NRDC: variants seen among roughly 807,000 people sequenced by gnomAD.
NRDC encodes the protein nardilysin.
In NRDC, 54 loss-of-function variants were observed where a neutral mutation model predicts 147.1. The ratio of observed to expected loss-of-function variants is 0.37; its 90% CI spans 0.29 to 0.46. NRDC has a LOEUF of 0.46. NRDC is among the 20% of genes least tolerant of loss of function. The pLI, the probability that NRDC is intolerant of heterozygous loss-of-function variation, is 1.00. For missense variants in NRDC, 1,082 were observed against 1,370.6 expected (o/e 0.79, Z 3.33); for synonymous variants, 440 against 482.1 (o/e 0.91, Z 1.14).
chr1:51,801,041 C>T (rs1679171401), intron 20 of NRDC: 1 of 162,058 alleles, frequency 6.2e-6, no homozygotes, highest in South Asian at 1.9e-4. Context: ...ACAAGGTCTT[C>T]TTATGTTGCC....
chr1:51,874,112 TTG>T (rs1401632904), intron 1 of NRDC, among the ~76,000 whole-genome samples: 1 of 144,846 alleles, frequency 6.9e-6, no homozygotes, highest in African/African-American at 2.6e-5. Context: ...GGGCGATGAA[TTG>T]AAATCCTGTC....
chr1:51,866,911 A>G (rs983999825), intron 1 of NRDC, among the ~76,000 whole-genome samples: 18 of 152,304 alleles, frequency 1.2e-4, no homozygotes, highest in Middle Eastern at 3.4e-3. Flanking sequence ...GGCAATATAA[A>G]GAGGGCTTCA....
At position 51,878,650 on chromosome 1, in the gene NRDC, C is replaced by A. The variant is rs774422637; in HGVS notation, c.-35G>T. On this transcript the variant is annotated 5_prime_UTR_variant, in exon 1 of 31. Transcript: ENST00000352171. ...AGCTGGAGCGATGGACATCCCGCTT[C>A]CCAGGACCCACCTCCTCCGCGTTCT... The A allele has an allele frequency of 1.9e-6, 3 of 1,557,468 alleles. No individual in the cohort carries two copies. The highest frequency in any genetic ancestry group is 4.6e-5 in the East Asian group (2 of 43,176).
At chr1:51,851,243 C>T (rs1179489962) in intron 1 of NRDC, among the ~76,000 whole-genome samples, 1 of 152,066 alleles carries the variant, frequency 6.6e-6, no homozygotes, top group Non-Finnish European at 1.5e-5. Context: ...AGCAGGAAAT[C>T]CAGCCTTGCT....
intron 5 of NRDC, among the ~76,000 whole-genome samples, chr1:51,826,887 G>A (rs1179538400): frequency 6.6e-6 from 1 of 152,100 alleles, no homozygotes; most frequent in African/African-American, 2.4e-5. Flanking sequence ...TCTAGAAACT[G>A]TATAAAGAAA....
At chr1:51,805,422 A>C (rs1679417932) in intron 19 of NRDC, 88 bp downstream of exon 19, 2 of 1,033,404 alleles carry the variant, frequency 1.9e-6, no homozygotes, top group Non-Finnish European at 2.8e-6. Flanking sequence ...ATATGGATAG[A>C]GAAAATGACA....
At chr1:51,792,531 TCC>T in intron 24 of NRDC, 107 bp from the exon 25 acceptor site, 1 of 934,042 alleles carries the variant, frequency 1.1e-6, no homozygotes, top group Non-Finnish European at 1.7e-6. Context: ...CCAATCGCTC[TCC>T]CCCAAGAGAG....
chr1:51,794,900 A>T, intron 22 of NRDC, 46 bp from the exon 23 acceptor site: 1 of 1,609,600 alleles, frequency 6.2e-7, no homozygotes, highest in Non-Finnish European at 8.5e-7. Context: ...CTAGACATTC[A>T]TTTCACCCAG....
Position 51,840,389 on chromosome 1 carries a change from T to A in NRDC, c.467A>T (p.Asp156Val), listed in dbSNP as rs752487262. Residue 156 changes from aspartate to valine, a missense_variant, in exon 2 of 31, where the codon GAT (aspartate) becomes GTT (valine). Asp to Val is a radical substitution (Grantham distance 152). This residue lies in a region of NRDC where 260 missense variants were observed against 253.2 expected (regional missense o/e 1.03). Transcript: ENST00000352171. ...TATTTCAGCTCCAGAATCTTCATCATCATCTTCTTCTTCTTCCTCCACCTC... is the reference window on the plus strand; with the variant it reads ...TATTTCAGCTCCAGAATCTTCATCAACATCTTCTTCTTCTTCCTCCACCTC... Reference protein sequence around the residue: ...EEEVEEEEEDDDEDSGAEIED... With the variant: ...EEEVEEEEEDVDEDSGAEIED... The A allele has an allele frequency of 1.1e-5, 16 of 1,519,498 alleles. No individual in the cohort carries two copies. The South Asian group carries it at 1.6e-4, about 15-fold the overall frequency. 94.1% of individuals were successfully genotyped at this position (1,519,498 alleles called of 1,614,324 possible). A position where few individuals can be genotyped will look rare whatever the true frequency, so the allele number is the denominator to read the frequency against.
In NRDC at chr1:51,872,770, A is replaced by G. The variant is rs76151162; in HGVS notation, c.341+5505T>C. ...GTAAGAGACAAAAGATATGTTTATTAAAGTTATACTAGTATTCATAAGATT... is the reference window on the plus strand; with the variant it reads ...GTAAGAGACAAAAGATATGTTTATTGAAGTTATACTAGTATTCATAAGATT... On this transcript the variant is annotated intron_variant, in intron 1 of 30. Transcript: ENST00000352171. 6.9e-3 allele frequency among the ~76,000 whole-genome samples: 1,050 copies of G among 152,350 alleles called. 7 individuals are homozygous for G. Among genetic ancestry groups the G allele is most frequent in the Non-Finnish European group, 9.5e-3 (646 of 68,028 alleles).
chr1:51,812,797 A>G (rs1212025588), intron 14 of NRDC, among the ~76,000 whole-genome samples: 1 of 152,100 alleles, frequency 6.6e-6, no homozygotes, highest in Admixed American at 6.6e-5. Flanking sequence ...AAATCAATGT[A>G]GAAATCAAAA....
rs1014222823 is a variant in NRDC at position 51,807,891 on chromosome 1, G to A, written c.1991-978C>T. Among the ~76,000 whole-genome samples the A allele has an allele frequency of 1.3e-5, 2 of 149,128 alleles. 1 individual carries two copies. ...TGCGATCTCAACTCACTGCAACCTC[G>A]GCCTCCTGGGTTCAAGTGATTCTCC... On this transcript the variant is annotated intron_variant, in intron 17 of 30. Transcript: ENST00000352171.
chr1:51,823,837 AAG>A, intron 6 of NRDC, 51 bp from the exon 7 acceptor site: 1 of 1,390,458 alleles, frequency 7.2e-7, no homozygotes, highest in Non-Finnish European at 9.9e-7. Flanking sequence ...ACTTTGTTAA[AAG>A]TCTTCTACAT....
chr1:51,831,485 G>A (rs1680705691), intron 4 of NRDC, among the ~76,000 whole-genome samples: 1 of 152,040 alleles, frequency 6.6e-6, no homozygotes, highest in African/African-American at 2.4e-5. Flanking sequence ...AAAGTTGTAT[G>A]GTTAAAGTCT....
At chr1:51,872,834 T>G (rs1214108969) in intron 1 of NRDC, among the ~76,000 whole-genome samples, 1 of 152,208 alleles carries the variant, frequency 6.6e-6, no homozygotes, top group Admixed American at 6.5e-5. Context: ...CTTTGTTAAA[T>G]GAGTTTGAAT....
intron 1 of NRDC, among the ~76,000 whole-genome samples, chr1:51,851,612 G>GA (rs1253072741): frequency 6.6e-6 from 1 of 151,030 alleles, no homozygotes; most frequent in Non-Finnish European, 1.5e-5. Context: ...TAAGACTCCA[G>GA]AAAAAAGCCT....
chr1:51,791,054 C>T (rs1678616972), intron 27 of NRDC, 64 bp from the exon 28 acceptor site: 8 of 1,146,700 alleles, frequency 7.0e-6, no homozygotes, highest in East Asian at 4.8e-5. Context: ...ATCAGAAACC[C>T]GATCTCAGGC....
intron 18 of NRDC, 151 bp downstream of exon 18, chr1:51,806,643 G>C: frequency 3.0e-6 from 2 of 662,186 alleles, no homozygotes; most frequent in Non-Finnish European, 5.2e-6. Context: ...GGGAGGGTGA[G>C]AGGGCATCAA....
At chr1:51,849,545 G>C (rs900208620) in intron 1 of NRDC, among the ~76,000 whole-genome samples, 1 of 152,140 alleles carries the variant, frequency 6.6e-6, no homozygotes, top group Admixed American at 6.5e-5. Flanking sequence ...GGCCGGGCAC[G>C]GTGGCTCACG....
Sources: allele counts gnomAD v4.1 joint callset (sites outside exome capture counted in the v4.1 genomes callset), GRCh38; gene constraint gnomAD v4.1.1; regional missense constraint gnomAD v4.1.1; transcripts MANE v1.5; gene names NCBI Gene and HGNC (gene_info 2026-07-23, HGNC 2026-07-21).